MACROD2: variants seen among roughly 807,000 people sequenced by gnomAD.
MACROD2 encodes the protein mono-ADP ribosylhydrolase 2, also known as ADP-ribose glycohydrolase MACROD2.
MACROD2 carries 36 observed loss-of-function variants against 70.4 expected under a neutral mutation model. That is an observed-to-expected ratio of 0.51 (90% CI 0.39 to 0.68). MACROD2 has a LOEUF of 0.68. Ranked by LOEUF, MACROD2 falls within the 30% of genes least tolerant of loss-of-function variation. The probability of loss-of-function intolerance (pLI) is 0.00; values close to 1 mark genes in which losing one functional copy is unlikely to be tolerated. For missense variants in MACROD2, 496 were observed against 538.4 expected, an observed-to-expected ratio of 0.92 and a Z score of 0.78; for synonymous variants, 172 against 178.8, an observed-to-expected ratio of 0.96 and a Z score of 0.30.
intron 3 of MACROD2, among the ~76,000 whole-genome samples, chr20:14,357,261 C>T (rs1207155462): frequency 6.6e-6 from 1 of 152,176 alleles, no homozygotes; most frequent in Non-Finnish European, 1.5e-5. Context: ...GCTTTCTTAT[C>T]CACTAACAGC....
Position 14,184,457 on chromosome 20 carries a change from G to A in MACROD2, c.271+98729G>A, listed in dbSNP as rs141429124. On this transcript the variant is annotated intron_variant, in intron 3 of 17. Coordinates refer to ENST00000684519, the MANE Select transcript of MACROD2 (RefSeq NM_001351661.2). Reference sequence around the variant, plus strand: ...CTGTAGTATAGTTTGAAGTCAGGTAGTGTCATGCCCTCGGCTTTGTTCTTT... The same window carrying A: ...CTGTAGTATAGTTTGAAGTCAGGTAATGTCATGCCCTCGGCTTTGTTCTTT... Among the ~76,000 whole-genome samples the A allele has an allele frequency of 2.5e-3, 383 of 151,480 alleles. 7 individuals are homozygous for A. The highest frequency in any genetic ancestry group is 0.018 in the Admixed American group (277 of 15,230).
intron 5 of MACROD2, chr20:14,894,745 G>A (rs2073807034): frequency 6.6e-6 from 1 of 152,020 alleles, no homozygotes; most frequent in Non-Finnish European, 1.5e-5. Flanking sequence ...TCTTACCAAG[G>A]ATTAATTCAT....
At position 14,874,791 on chromosome 20, in the gene MACROD2, A is replaced by C. The variant is rs528980182; in HGVS notation, c.418+189832A>C. Among the ~76,000 whole-genome samples the C allele has an allele frequency of 1.5e-3, 220 of 151,502 alleles. 2 individuals are homozygous for C. Among genetic ancestry groups the C allele is most frequent in the Non-Finnish European group, 2.9e-3 (200 of 67,904 alleles). ...GCAATCTTGGCTCACTGCAGCCTCC[A>C]CCTCCTGGGTTCAGATGATCCTCAT... On this transcript the variant is annotated intron_variant, in intron 5 of 17. Transcript: ENST00000684519.
intron 5 of MACROD2, among the ~76,000 whole-genome samples, chr20:14,704,647 G>T (rs117907819): frequency 2.0e-5 from 3 of 152,030 alleles, no homozygotes; most frequent in Admixed American, 6.6e-5. Context: ...TGGAAGGTTC[G>T]TCCTGGCCTG....
intron 5 of MACROD2, among the ~76,000 whole-genome samples, chr20:14,945,814 G>T (rs1160164847): frequency 6.6e-6 from 1 of 152,106 alleles, no homozygotes. Context: ...CTCACTATTT[G>T]GGTATTTTTG....
rs1568820069 is a variant in MACROD2, at chr20:15,454,448, CA to C, written c.571+23014del. ...ACACACACACACACACACACACACA[CA>C]CACACCCTTATTATACAACTTAGTT... On this transcript the variant is annotated intron_variant, in intron 7 of 17. Coordinates refer to ENST00000684519, the MANE Select transcript of MACROD2 (RefSeq NM_001351661.2). Among the ~76,000 whole-genome samples the C allele has an allele frequency of 2.3e-4, 34 of 147,108 alleles. 1 individual carries two copies. The highest frequency in any genetic ancestry group is 5.8e-4 in the African/African-American group (23 of 39,680).
chr20:15,144,270 A>G (rs2076214418), intron 5 of MACROD2, among the ~76,000 whole-genome samples: 1 of 152,166 alleles, frequency 6.6e-6, no homozygotes, highest in South Asian at 2.1e-4. Flanking sequence ...AAATTAATGT[A>G]AAAACTGCAA....
intron 6 of MACROD2, among the ~76,000 whole-genome samples, chr20:15,346,715 A>T (rs1482005278): frequency 6.6e-6 from 1 of 152,144 alleles, no homozygotes; most frequent in Non-Finnish European, 1.5e-5. Flanking sequence ...GCAATATAAA[A>T]CATGTTATAA....
intron 15 of MACROD2, among the ~76,000 whole-genome samples, chr20:15,989,852 AG>A (rs1412197551): frequency 1.5e-5 from 2 of 133,642 alleles, no homozygotes; most frequent in Non-Finnish European, 3.2e-5. Flanking sequence ...AATCCAGACC[AG>A]GAAAAATATA....
At chr20:15,224,556 G>A (rs2076888908) in intron 5 of MACROD2, among the ~76,000 whole-genome samples, 1 of 152,128 alleles carries the variant, frequency 6.6e-6, no homozygotes, top group Admixed American at 6.5e-5. Flanking sequence ...TTTTTACATA[G>A]TCTTTTCTTA....
intron 3 of MACROD2, among the ~76,000 whole-genome samples, chr20:14,115,903 A>AT (rs1370320233): frequency 6.6e-6 from 1 of 152,222 alleles, no homozygotes; most frequent in Non-Finnish European, 1.5e-5. Context: ...ATTATTGGGC[A>AT]TTCAAACATT....
chr20:14,994,090 G>T (rs1184110963), intron 5 of MACROD2, among the ~76,000 whole-genome samples: 2 of 152,082 alleles, frequency 1.3e-5, no homozygotes, highest in Admixed American at 6.6e-5. Context: ...GAATACAAAT[G>T]CCTTTACATA....
At position 14,162,584 on chromosome 20, in the gene MACROD2, TTG is replaced by T. The variant is rs558574765; in HGVS notation, c.271+76859_271+76860del. 1.6e-3 allele frequency among the ~76,000 whole-genome samples: 240 copies of T among 152,290 alleles called. 1 individual carries two copies. Among genetic ancestry groups the T allele is most frequent in the African/African-American group, 5.5e-3 (227 of 41,584 alleles). On this transcript the variant is annotated intron_variant, in intron 3 of 17. Transcript: ENST00000684519. Reference sequence around the variant, plus strand: ...ATATATTTAGAATTGTTATATTCTCTTGTGGAATTGATCTCTTTATCATTTTA... The same window carrying T: ...ATATATTTAGAATTGTTATATTCTCTTGGAATTGATCTCTTTATCATTTTA...
chr20:14,233,757 A>G (rs973206285), intron 3 of MACROD2, among the ~76,000 whole-genome samples: 3 of 151,586 alleles, frequency 2.0e-5, no homozygotes, highest in Non-Finnish European at 4.4e-5. Flanking sequence ...ATGAAAAGAC[A>G]TGGAGGTACC....
intron 6 of MACROD2, among the ~76,000 whole-genome samples, chr20:15,430,260 G>A (rs1331773081): frequency 6.7e-6 from 1 of 150,124 alleles, no homozygotes; most frequent in East Asian, 1.9e-4. Context: ...TGCAGGAATA[G>A]AGGTTTTTAA....
At chr20:16,008,422 T>C in intron 15 of MACROD2, among the ~76,000 whole-genome samples, 1 of 152,230 alleles carries the variant, frequency 6.6e-6, no homozygotes, top group Non-Finnish European at 1.5e-5. Flanking sequence ...TTATTTTTAA[T>C]AGAAATTGCT....
At chr20:14,141,747 GAAAAAAAAAAAA>G (rs3043659) in intron 3 of MACROD2, among the ~76,000 whole-genome samples, 15 of 66,860 alleles carry the variant, frequency 2.2e-4, no homozygotes, top group African/African-American at 9.1e-4. Flanking sequence ...CTCCATCTCA[GAAAAAAAAAAAA>G]AAAAAAAAAA....
chr20:14,437,972 T>C (rs1600236349), intron 3 of MACROD2, among the ~76,000 whole-genome samples: 1 of 152,302 alleles, frequency 6.6e-6, no homozygotes, highest in East Asian at 1.9e-4. Context: ...TATCTACTCA[T>C]TTAGCAAAAA....
intron 5 of MACROD2, among the ~76,000 whole-genome samples, chr20:14,783,235 C>T (rs1369695610): frequency 6.6e-6 from 1 of 152,136 alleles, no homozygotes; most frequent in East Asian, 1.9e-4. Context: ...ATAGAAGTAG[C>T]AATAGCTCAC....
Sources: allele counts gnomAD v4.1 joint callset (sites outside exome capture counted in the v4.1 genomes callset), GRCh38; gene constraint gnomAD v4.1.1; transcripts MANE v1.5; gene names NCBI Gene and HGNC (gene_info 2026-07-23, HGNC 2026-07-21).